The following PABPC1L variants were observed in gnomAD, a reference collection of about 807,000 sequenced individuals.
PABPC1L encodes the protein poly(A) binding protein cytoplasmic 1 like.
PABPC1L carries 31 observed loss-of-function variants against 66.6 expected under a neutral mutation model. That is an observed-to-expected ratio of 0.47 (90% confidence interval 0.35 to 0.63). The LOEUF (loss-of-function observed/expected upper bound fraction) is 0.63, where lower values mean the gene tolerates loss of function less well. PABPC1L is among the 20% of genes least tolerant of loss of function. The pLI, the probability that PABPC1L is intolerant of heterozygous loss-of-function variation, is 0.00. For missense variants in PABPC1L, 722 were observed against 848.8 expected (o/e 0.85, Z 1.86); for synonymous variants, 348 against 335.1 (o/e 1.04, Z -0.42).
At chr20:44,915,916 C>T (rs1357101530) in intron 2 of PABPC1L, among the ~76,000 whole-genome samples, 1 of 152,086 alleles carries the variant, frequency 6.6e-6, no homozygotes, top group East Asian at 1.9e-4. Flanking sequence ...TTTCTTTCAG[C>T]CCTAGTCCCC....
In PABPC1L at chr20:44,936,688, A is replaced by G. The variant is rs777197131; in HGVS notation, c.1618A>G (p.Met540Val). 4.8e-5 allele frequency: 78 copies of G among 1,608,750 alleles called. No individual in the cohort carries two copies. Among genetic ancestry groups the G allele is most frequent in the South Asian group, 3.8e-4 (34 of 89,358 alleles). ...IPGQEPLTAS[M>V]LAAAPLHEQK... ...AGGACAGGAGCCCCTGACCGCGTCC[A>G]TGCTGGCTGCGGCGCCCCTGCATGA... Residue 540 changes from methionine (M) to valine (V), a missense_variant, in exon 12 of 15, where the codon ATG (methionine) becomes GTG (valine). Physicochemically the swap from Met to Val is conservative, Grantham distance 21. Coordinates refer to ENST00000217073, the MANE Select transcript of PABPC1L (RefSeq NM_001372179.1).
chr20:44,934,053 G>A (rs1264028350), intron 10 of PABPC1L, among the ~76,000 whole-genome samples: 1 of 152,176 alleles, frequency 6.6e-6, no homozygotes, highest in Admixed American at 6.5e-5. Context: ...TGCCCGGCTT[G>A]TTGTTGAGGA....
At chr20:44,910,442 C>A in intron 1 of PABPC1L, 106 bp downstream of exon 1, 5 of 1,267,564 alleles carry the variant, frequency 3.9e-6, no homozygotes, top group Non-Finnish European at 5.2e-6. Flanking sequence ...ACTTTGCAGC[C>A]GGGGAAACTG....
chr20:44,910,265 G>A lies in PABPC1L; in HGVS notation c.122G>A (p.Arg41His). Residue 41 changes from arginine (R) to histidine (H), a missense_variant, in exon 1 of 15, where the codon CGC becomes CAC. By Grantham distance (29) the Arg-to-His change is conservative. Coordinates refer to ENST00000217073, the MANE Select transcript of PABPC1L (RefSeq NM_001372179.1). ...CCCGCCGGCCCCATCCTGTCCATCC[G>A]CGTGTGCCGCGATGTAGCCACCCGG... Reference protein sequence around the residue: ...FSPAGPILSIRVCRDVATRRS... With the variant: ...FSPAGPILSIHVCRDVATRRS... 1.9e-6 allele frequency: 3 copies of A among 1,556,934 alleles called. No individual in the cohort carries two copies. The highest frequency in any genetic ancestry group is 1.7e-6 in the Non-Finnish European group (2 of 1,150,324).
intron 10 of PABPC1L, among the ~76,000 whole-genome samples, chr20:44,934,559 C>T (rs1378873347): frequency 2.0e-5 from 3 of 152,172 alleles, no homozygotes; most frequent in African/African-American, 4.8e-5. Flanking sequence ...TGCTTGGTAC[C>T]TCATGTAAGT....
At chr20:44,929,227 A>G (rs1200226627) in intron 7 of PABPC1L, among the ~76,000 whole-genome samples, 2 of 152,100 alleles carry the variant, frequency 1.3e-5, no homozygotes, top group African/African-American at 4.8e-5. Flanking sequence ...ATACCACTGC[A>G]CTCCAGCCTG....
At chr20:44,921,555 T>A in intron 5 of PABPC1L, 39 bp from the exon 6 acceptor site, 1 of 1,610,456 alleles carries the variant, frequency 6.2e-7, no homozygotes, top group Non-Finnish European at 8.5e-7. Flanking sequence ...GGGCCACATC[T>A]GAGTGGTTAC....
intron 6 of PABPC1L, among the ~76,000 whole-genome samples, chr20:44,923,792 C>T (rs2066790422): frequency 6.6e-6 from 1 of 152,092 alleles, no homozygotes; most frequent in African/African-American, 2.4e-5. Context: ...GGGAGGAGCT[C>T]TGACTCCTGC....
chr20:44,935,506 A>G lies in PABPC1L; in HGVS notation c.1566+9A>G, dbSNP rs546271037. On this transcript the variant is annotated intron_variant, in intron 11 of 14. Transcript: ENST00000217073. The stretch of plus-strand genomic sequence containing the variant: ...CACATAGCACCTATCGGGTAAGGCC[A>G]GCCCAGCTGCCTGCTCTTAGCCTGG... 12 of 1,612,854 alleles carry G rather than the reference A, an allele frequency of 7.4e-6. No individual in the cohort carries two copies. The Admixed American group carries it at 1.8e-4, about 25-fold the overall frequency.
In PABPC1L at chr20:44,919,235, C is replaced by G; in HGVS notation, c.696C>G (p.Cys232Trp). The G allele has an allele frequency of 6.2e-7, 1 of 1,614,214 alleles. No homozygotes were observed. Among genetic ancestry groups the G allele is most frequent in the Non-Finnish European group, 8.5e-7 (1 of 1,180,040 alleles). Residue 232 changes from cysteine to tryptophan, a missense_variant, in exon 5 of 15, where the codon TGC becomes TGG. Cys to Trp is a radical substitution (Grantham distance 215). Around this residue, in one of 3 missense-constraint regions of PABPC1L, gnomAD observed 137 missense variants for 216.8 expected, o/e 0.63. Transcript: ENST00000217073. ...VMRDNSGHSR[C>W]FGFVNFEKHE... ...GGGACAACAGCGGCCACTCGCGGTGCTTTGGCTTTGTCAACTTTGAGAAGC... is the reference window on the plus strand; with the variant it reads ...GGGACAACAGCGGCCACTCGCGGTGGTTTGGCTTTGTCAACTTTGAGAAGC...
chr20:44,924,388 G>A (rs573074392), intron 7 of PABPC1L, 132 bp downstream of exon 7: 87 of 669,628 alleles, frequency 1.3e-4, no homozygotes, highest in South Asian at 6.9e-4. Flanking sequence ...CCCTTCTGGG[G>A]CTCTGCTGAC....
At chr20:44,930,254 C>T (rs556924238) in intron 7 of PABPC1L, among the ~76,000 whole-genome samples, 84 of 152,304 alleles carry the variant, frequency 5.5e-4, no homozygotes, top group Middle Eastern at 6.8e-3. Context: ...ACGCTACATC[C>T]CTCCATCACA....
At chr20:44,917,486 A>C (rs536991301) in intron 3 of PABPC1L, among the ~76,000 whole-genome samples, 2 of 151,540 alleles carry the variant, frequency 1.3e-5, no homozygotes, top group African/African-American at 4.9e-5. Flanking sequence ...GATTACAGGC[A>C]TGAGCTACTG....
chr20:44,938,132 G>C lies in PABPC1L; in HGVS notation c.1732G>C (p.Glu578Gln), dbSNP rs1294861861. Residue 578 changes from glutamate (E) to glutamine (Q), a missense_variant, in exon 13 of 15, where the codon GAG becomes CAG. By Grantham distance (29) the Glu-to-Gln change is conservative (BLOSUM62 2). Coordinates refer to ENST00000217073, the MANE Select transcript of PABPC1L (RefSeq NM_001372179.1). ...LAGKITGMLL[E>Q]IDNSELLLML... ...TGGCAAGATCACGGGCATGCTGCTGGAGATTGACAACTCAGAGCTGTTGCT... is the reference window on the plus strand; with the variant it reads ...TGGCAAGATCACGGGCATGCTGCTGCAGATTGACAACTCAGAGCTGTTGCT... 6 of 1,614,098 alleles carry C rather than the reference G, an allele frequency of 3.7e-6. No homozygotes were observed. Among genetic ancestry groups the C allele is most frequent in the Non-Finnish European group, 5.1e-6 (6 of 1,180,056 alleles).
At chr20:44,911,284 C>T (rs1393026155) in intron 1 of PABPC1L, among the ~76,000 whole-genome samples, 2 of 151,934 alleles carry the variant, frequency 1.3e-5, no homozygotes, top group Non-Finnish European at 2.9e-5. Context: ...GCCAACATAG[C>T]GAAACCCTTT....
In PABPC1L at chr20:44,933,192, G is replaced by A. The variant is rs2066875565; in HGVS notation, c.1459+7G>A. ...CCTCATACCCAGAGAGTAGGTGAGT[G>A]TGGGTAGGGCCAAGGGGAATGGGGG... is the stretch of plus-strand genomic sequence containing the variant. On this transcript the variant is annotated splice_region_variant and intron_variant, in intron 10 of 14. Coordinates refer to ENST00000217073, the MANE Select transcript of PABPC1L (RefSeq NM_001372179.1). 1.9e-6 allele frequency: 3 copies of A among 1,595,828 alleles called. No individual in the cohort carries two copies. Among genetic ancestry groups the A allele is most frequent in the Non-Finnish European group, 2.6e-6 (3 of 1,171,566 alleles).
chr20:44,926,542 T>A (rs985327895), intron 7 of PABPC1L, among the ~76,000 whole-genome samples: 4 of 144,998 alleles, frequency 2.8e-5, no homozygotes, highest in African/African-American at 5.0e-5. Flanking sequence ...ATATATATAT[T>A]ATACAATTAT....
intron 7 of PABPC1L, among the ~76,000 whole-genome samples, chr20:44,924,632 G>A (rs2066796441): frequency 6.6e-6 from 1 of 152,234 alleles, no homozygotes; most frequent in Non-Finnish European, 1.5e-5. Context: ...CATCTGGAAA[G>A]TGAGAGGGCT....
chr20:44,911,178 A>G (rs1601104400), intron 1 of PABPC1L, among the ~76,000 whole-genome samples: 1 of 128,940 alleles, frequency 7.8e-6, no homozygotes, highest in Non-Finnish European at 1.7e-5. Context: ...AAATAAATAA[A>G]TAAGGCCAGG....
Sources: allele counts gnomAD v4.1 joint callset (sites outside exome capture counted in the v4.1 genomes callset), GRCh38; gene constraint gnomAD v4.1.1; regional missense constraint gnomAD v4.1.1; transcripts MANE v1.5; gene names NCBI Gene and HGNC (gene_info 2026-07-23, HGNC 2026-07-21).